The following CSN2 variants were observed in gnomAD, a reference collection of about 807,000 sequenced individuals.
The protein encoded by CSN2 is beta-casein.
A neutral mutation model predicts 27.3 loss-of-function variants in CSN2; 27 were observed. The observed-to-expected ratio is 0.99, with a 90% confidence interval of 0.73 to 1.36. The LOEUF (loss-of-function observed/expected upper bound fraction) is 1.36. Ranked by LOEUF, CSN2 falls within the 40% of genes most tolerant of loss-of-function variation. The pLI, the probability that CSN2 is intolerant of heterozygous loss-of-function variation, is 0.00. For missense variants in CSN2, 333 were observed against 264.5 expected (o/e 1.26, Z -1.80); for synonymous variants, 131 against 94.8 (o/e 1.38, Z -2.22).
intron 1 of CSN2, among the ~76,000 whole-genome samples, chr4:69,964,233 C>T (rs183414462): frequency 5.3e-5 from 8 of 152,202 alleles, no homozygotes; most frequent in East Asian, 1.9e-4. Context: ...CTTGATGATC[C>T]GCCAAGGGGT....
At chr4:69,956,266 A>G in intron 7 of CSN2, 48 bp downstream of exon 7, 1 of 1,231,996 alleles carries the variant, frequency 8.1e-7, no homozygotes, top group Non-Finnish European at 1.1e-6. Flanking sequence ...GTAAAAAGAC[A>G]TCATGTATAA....
chr4:69,959,612 G>C (rs1047536527), intron 3 of CSN2, among the ~76,000 whole-genome samples: 3 of 151,952 alleles, frequency 2.0e-5, no homozygotes, highest in African/African-American at 7.2e-5. Context: ...TACTAAAGTG[G>C]CTATTGTAAT....
At chr4:69,956,208 G>A in intron 7 of CSN2, 106 bp downstream of exon 7, 2 of 692,134 alleles carry the variant, frequency 2.9e-6, no homozygotes, top group Non-Finnish European at 4.0e-6. Flanking sequence ...AAAAGTTCTT[G>A]TATGTATGAA....
At position 69,958,956 on chromosome 4, in the gene CSN2, A is replaced by G. The variant is rs765207339; in HGVS notation, c.100-3T>C. The G allele has an allele frequency of 2.5e-6, 4 of 1,596,312 alleles. No homozygotes were observed. Among genetic ancestry groups the G allele is most frequent in the Non-Finnish European group, 3.4e-6 (4 of 1,167,546 alleles). ...TGTTTAACCTTCTCAACTTTCTGCT[A>G]AAGATATATCATATATAAAGATATG... On this transcript the variant is annotated splice_region_variant and splice_polypyrimidine_tract_variant and intron_variant, in intron 4 of 7. Transcript: ENST00000353151.
chr4:69,956,674 CAG>C (rs1383775591), intron 6 of CSN2, among the ~76,000 whole-genome samples: 3 of 152,048 alleles, frequency 2.0e-5, no homozygotes, highest in Admixed American at 6.6e-5. Flanking sequence ...AGGAAAATGA[CAG>C]AACATTTTTT....
chr4:69,958,052 T>G (rs1372675205), intron 5 of CSN2, among the ~76,000 whole-genome samples: 1 of 152,212 alleles, frequency 6.6e-6, no homozygotes, highest in African/African-American at 2.4e-5. Flanking sequence ...TGTTTGGATA[T>G]TTCAGAAACA....
intron 1 of CSN2, among the ~76,000 whole-genome samples, 77 bp downstream of exon 1, chr4:69,965,604 G>A (rs916882696): frequency 2.4e-4 from 37 of 151,222 alleles, no homozygotes; most frequent in African/African-American, 7.8e-4. Context: ...AAGTAACTAC[G>A]TTCCTTCTAT....
chr4:69,960,259 G>A (rs1159175472), intron 2 of CSN2, among the ~76,000 whole-genome samples, 180 bp from the exon 3 acceptor site: 2 of 151,934 alleles, frequency 1.3e-5, no homozygotes, highest in African/African-American at 4.8e-5. Context: ...TGTTAAACAT[G>A]CATCCTACTT....
In CSN2 at chr4:69,956,479, C is replaced by G. The variant is rs981555078; in HGVS notation, c.676-124G>C. On this transcript the variant is annotated intron_variant, in intron 6 of 7. Transcript: ENST00000353151. ...CCTTCATATATATTTACAGCAAAAACCAGATGTGAAGTAAGGCTTGTGTAA... is the reference window on the plus strand; with the variant it reads ...CCTTCATATATATTTACAGCAAAAAGCAGATGTGAAGTAAGGCTTGTGTAA... The G allele has an allele frequency of 1.8e-5, 12 of 677,930 alleles. No homozygotes were observed. In the Admixed American group the frequency reaches 4.9e-4, roughly 27 times the overall value. 42.0% of individuals were successfully genotyped at this position (677,930 alleles called of 1,614,324 possible).
intron 1 of CSN2, among the ~76,000 whole-genome samples, chr4:69,962,907 C>G (rs964355030): frequency 6.6e-6 from 1 of 152,090 alleles, no homozygotes; most frequent in Non-Finnish European, 1.5e-5. Context: ...CAAACAACCC[C>G]ATCAAAAAGT....
chr4:69,959,769 A>G (rs1019818187), intron 3 of CSN2, among the ~76,000 whole-genome samples: 2 of 151,996 alleles, frequency 1.3e-5, no homozygotes, highest in Non-Finnish European at 2.9e-5. Flanking sequence ...CTTAAGGTGA[A>G]TAAGTTCAGA....
intron 3 of CSN2, 54 bp from the exon 4 acceptor site, chr4:69,959,123 C>A: frequency 8.7e-7 from 1 of 1,148,330 alleles, no homozygotes; most frequent in Non-Finnish European, 1.2e-6. Context: ...TCTTACTTTG[C>A]AATATAAATC....
intron 1 of CSN2, among the ~76,000 whole-genome samples, chr4:69,963,286 T>C (rs990920119): frequency 2.2e-4 from 34 of 152,196 alleles, no homozygotes; most frequent in African/African-American, 7.7e-4. Flanking sequence ...CACATACACA[T>C]GTATGTTTAT....
chr4:69,964,169 A>G (rs1490785669), intron 1 of CSN2, among the ~76,000 whole-genome samples: 1 of 152,094 alleles, frequency 6.6e-6, no homozygotes, highest in Non-Finnish European at 1.5e-5. Flanking sequence ...ATGACTTTAG[A>G]TATTGTACAC....
chr4:69,965,657 CA>C (rs1189564297), intron 1 of CSN2, among the ~76,000 whole-genome samples, 23 bp downstream of exon 1: 1 of 151,632 alleles, frequency 6.6e-6, no homozygotes, highest in African/African-American at 2.4e-5. Context: ...GAAGATACAA[CA>C]AATTTGTATC....
At position 69,962,417 on chromosome 4, in the gene CSN2, C is replaced by G. The variant is rs1205683599; in HGVS notation, c.-12-1410G>C. 2.0e-5 allele frequency among the ~76,000 whole-genome samples: 3 copies of G among 152,252 alleles called. No individual in the cohort carries two copies. In the South Asian group the frequency reaches 6.2e-4, roughly 32 times the overall value. On this transcript the variant is annotated intron_variant, in intron 1 of 7. Transcript: ENST00000353151. ...GACCAATGGAACAGGAAAGAGCCCT[C>G]AGAAATAATGCCGCATGTCTACAAC...
chr4:69,963,187 A>G (rs1723664943), intron 1 of CSN2, among the ~76,000 whole-genome samples: 6 of 152,244 alleles, frequency 3.9e-5, no homozygotes, highest in Non-Finnish European at 7.3e-5. Flanking sequence ...GCGATTCCTC[A>G]GGGATCTAGA....
intron 1 of CSN2, among the ~76,000 whole-genome samples, chr4:69,964,860 C>T (rs867036695): frequency 1.3e-4 from 20 of 149,976 alleles, no homozygotes; most frequent in Non-Finnish European, 1.5e-5. Context: ...AGTTTTTATA[C>T]TCATTTCTAT....
At chr4:69,959,742 A>G (rs1000472350) in intron 3 of CSN2, among the ~76,000 whole-genome samples, 6 of 152,038 alleles carry the variant, frequency 3.9e-5, no homozygotes, top group African/African-American at 1.4e-4. Flanking sequence ...TGACCCATAG[A>G]AGGCCGTCAG....
Sources: gnomAD v4.1 joint callset for allele counts (sites outside exome capture counted in the v4.1 genomes callset) on GRCh38, gnomAD v4.1.1 for gene constraint, MANE v1.5 for transcripts, NCBI Gene and HGNC (gene_info 2026-07-23, HGNC 2026-07-21) for gene names.